Variants in KLHDC10 observed in about 807,000 individuals in gnomAD.
The protein encoded by KLHDC10 is kelch domain containing 10.
Under a neutral mutation model 56.1 loss-of-function variants are expected in KLHDC10, and 24 were observed. The observed-to-expected ratio is 0.43, with a 90% CI of 0.31 to 0.60. The LOEUF is 0.60. Among genes scored for constraint, KLHDC10 ranks in the 20% least tolerant of loss-of-function variants. The pLI, the probability that KLHDC10 is intolerant of heterozygous loss-of-function variation, is 0.11. For missense variants in KLHDC10, 349 were observed against 567.0 expected, an observed-to-expected ratio of 0.62 and a Z score of 3.91; for synonymous variants, 188 against 207.1, an observed-to-expected ratio of 0.91 and a Z score of 0.79.
intron 2 of KLHDC10, among the ~76,000 whole-genome samples, chr7:130,107,843 CAAAAAAAA>C (rs3043725): frequency 2.7e-4 from 7 of 26,026 alleles, no homozygotes; most frequent in African/African-American, 1.2e-3. Flanking sequence ...GACTCCGTCT[CAAAAAAAA>C]AAAAAAAAAA....
At position 130,135,469 on chromosome 7, in the gene KLHDC10, C is replaced by T. The variant is rs539455091; in HGVS notation, c.*4723C>T. The T allele has an allele frequency of 4.5e-5, 7 of 154,496 alleles. No homozygotes were observed. In the South Asian group the frequency reaches 8.1e-4, roughly 18 times the overall value. The allele number at this position is 154,496 out of a possible 1,614,324, so 9.6% of individuals were successfully genotyped here. A position where few individuals can be genotyped will look rare whatever the true frequency, so the allele number is the denominator to read the frequency against. On this transcript the variant is annotated 3_prime_UTR_variant, in exon 10 of 10. Transcript: ENST00000335420. ...GTATGCTTGGGCCATACACAATGCT[C>T]GCCTTACTTTAAAGCTATTTTGCCA...
At chr7:130,074,588 T>G (rs1182447558) in intron 1 of KLHDC10, among the ~76,000 whole-genome samples, 1 of 152,008 alleles carries the variant, frequency 6.6e-6, no homozygotes, top group Non-Finnish European at 1.5e-5. Flanking sequence ...ACATTGACTC[T>G]GGATAGATGG....
At chr7:130,122,738 G>T (rs755419576) in intron 5 of KLHDC10, among the ~76,000 whole-genome samples, 15 of 152,144 alleles carry the variant, frequency 9.9e-5, no homozygotes, top group Non-Finnish European at 1.9e-4. Context: ...TACAGATGAG[G>T]CCGCACCGTG....
rs1796240304 is a variant in KLHDC10, at chr7:130,120,946, T to C, written c.630+43T>C. On this transcript the variant is annotated intron_variant, in intron 4 of 9. Coordinates refer to ENST00000335420, the MANE Select transcript of KLHDC10 (RefSeq NM_014997.4). This position sits in a 1 kb window ranked among gnomAD's most constrained non-coding sequence, Gnocchi z 5.1. ...GTCATGGTGTATTTGTTCATATTTT[T>C]CTAGTCTGGGGATGGTGTTAGAATA... The C allele has an allele frequency of 3.8e-6, 6 of 1,584,528 alleles. No individual in the cohort carries two copies. The highest frequency in any genetic ancestry group is 1.7e-4 in the Middle Eastern group (1 of 5,962).
intron 2 of KLHDC10, among the ~76,000 whole-genome samples, chr7:130,107,490 A>C (rs1467737354): frequency 6.6e-6 from 1 of 152,158 alleles, no homozygotes; most frequent in Non-Finnish European, 1.5e-5. Context: ...ATTGTATGGA[A>C]ATTTATAAAG....
chr7:130,104,525 T>C (rs760783170), intron 2 of KLHDC10, among the ~76,000 whole-genome samples: 33 of 152,216 alleles, frequency 2.2e-4, no homozygotes, highest in Non-Finnish European at 4.6e-4. Context: ...AGAGAATGTA[T>C]GTAAGAGGCT....
intron 1 of KLHDC10, among the ~76,000 whole-genome samples, chr7:130,074,368 T>C (rs1795467438): frequency 6.6e-6 from 1 of 152,170 alleles, no homozygotes; most frequent in South Asian, 2.1e-4. Flanking sequence ...GTGGCTCTCC[T>C]TGGGCATACT....
chr7:130,096,515 A>G (rs181187231), intron 1 of KLHDC10, among the ~76,000 whole-genome samples: 15 of 152,300 alleles, frequency 9.8e-5, no homozygotes, highest in South Asian at 2.1e-4. Context: ...AACCTTGAAG[A>G]GAACAGGAGC....
chr7:130,130,149 C>G lies in KLHDC10; in HGVS notation c.1120-388C>G, dbSNP rs112034814. On this transcript the variant is annotated intron_variant, in intron 9 of 9. Transcript: ENST00000335420. The surrounding 1 kb of genome is among the most constrained non-coding windows in gnomAD (Gnocchi z 4.2). ...GGCTAACACGGATGAAACCCCATCT[C>G]TACTAAAAATACAAAAAAAAATTAG... Among the ~76,000 whole-genome samples, 6,236 of 151,714 alleles carry G rather than the reference C, an allele frequency of 0.041. 415 individuals are homozygous for G. Among genetic ancestry groups the G allele is most frequent in the African/African-American group, 0.14 (5,915 of 41,264 alleles).
chr7:130,085,724 C>CTT (rs1254209165), intron 1 of KLHDC10, among the ~76,000 whole-genome samples: 12 of 150,378 alleles, frequency 8.0e-5, no homozygotes, highest in African/African-American at 2.4e-4. Context: ...GTCCCAGCTA[C>CTT]TTGGGAGGCT....
intron 2 of KLHDC10, among the ~76,000 whole-genome samples, chr7:130,111,049 A>C (rs1281960561): frequency 1.3e-5 from 2 of 152,184 alleles, no homozygotes; most frequent in African/African-American, 4.8e-5. Flanking sequence ...TCTACTCTAG[A>C]ACATGTCGAT....
At chr7:130,099,486 G>A (rs757846191) in intron 2 of KLHDC10, among the ~76,000 whole-genome samples, 22 of 152,304 alleles carry the variant, frequency 1.4e-4, no homozygotes, top group Middle Eastern at 3.4e-3. Flanking sequence ...ACTCAACTTG[G>A]CTGAAGGAGG....
chr7:130,122,987 A>T (rs116713400), intron 5 of KLHDC10, among the ~76,000 whole-genome samples: 2,315 of 151,802 alleles, frequency 0.015, 55 homozygotes, highest in African/African-American at 0.053. Flanking sequence ...GCTTGCATGG[A>T]TGGATGGGTG....
At position 130,124,477 on chromosome 7, in the gene KLHDC10, G is replaced by A. The variant is rs374347857; in HGVS notation, c.806G>A (p.Gly269Glu). Residue 269 changes from glycine (G) to glutamate (E), a missense_variant, in exon 6 of 10, where the codon GGG becomes GAG. Transcript: ENST00000335420. The part of the protein sequence containing the change: ...ERYRHEIAHD[G>E]QRIYILGGGT... ...TACCGACATGAAATTGCACATGACGGGCAGAGGATTTACATCTTGGGAGGT... is the reference window on the plus strand; with the variant it reads ...TACCGACATGAAATTGCACATGACGAGCAGAGGATTTACATCTTGGGAGGT... The A allele has an allele frequency of 3.1e-6, 5 of 1,602,664 alleles. No individual in the cohort carries two copies. Among genetic ancestry groups the A allele is most frequent in the African/African-American group, 2.7e-5 (2 of 74,656 alleles).
At chr7:130,071,347 A>G (rs1169296277) in intron 1 of KLHDC10, among the ~76,000 whole-genome samples, 6 of 152,136 alleles carry the variant, frequency 3.9e-5, no homozygotes, top group Non-Finnish European at 8.8e-5. Flanking sequence ...AGGGAAAACT[A>G]GTTGGATTAT....
intron 2 of KLHDC10, among the ~76,000 whole-genome samples, chr7:130,103,475 T>G (rs35089974): frequency 6.7e-6 from 1 of 148,626 alleles, no homozygotes; most frequent in African/African-American, 2.5e-5. Context: ...CTTTCATGTA[T>G]AAAGGACCAA....
chr7:130,079,120 C>T (rs1795561318), intron 1 of KLHDC10, among the ~76,000 whole-genome samples: 1 of 151,592 alleles, frequency 6.6e-6, no homozygotes, highest in Non-Finnish European at 1.5e-5. Flanking sequence ...TACAGTGGCT[C>T]GATCTTGGCC....
intron 1 of KLHDC10, among the ~76,000 whole-genome samples, chr7:130,085,047 C>T (rs1403206919): frequency 6.6e-6 from 1 of 151,916 alleles, no homozygotes; most frequent in Non-Finnish European, 1.5e-5. Context: ...TGGATGAGTT[C>T]ACCAAAGAAT....
intron 1 of KLHDC10, among the ~76,000 whole-genome samples, chr7:130,090,892 T>G (rs1013609123): frequency 4.6e-5 from 7 of 152,166 alleles, no homozygotes; most frequent in Non-Finnish European, 7.3e-5. Context: ...GGTGGTGCCC[T>G]GATACAGCCA....
Sources: allele counts gnomAD v4.1 joint callset (sites outside exome capture counted in the v4.1 genomes callset), GRCh38; gene constraint gnomAD v4.1.1; non-coding constraint Gnocchi (gnomAD v3.1); transcripts MANE v1.5; gene names NCBI Gene and HGNC (gene_info 2026-07-23, HGNC 2026-07-21).